Variants in SUGCT observed in about 807,000 individuals in gnomAD.
SUGCT encodes succinyl-CoA:glutarate CoA-transferase.
A neutral mutation model predicts 55.0 loss-of-function variants in SUGCT; 41 were observed. The ratio of observed to expected loss-of-function variants is 0.74; its 90% CI spans 0.58 to 0.97. SUGCT has a LOEUF of 0.97. Among genes scored for constraint, SUGCT ranks in the 50% least tolerant of loss-of-function variants. The pLI is 0.00. For synonymous variants in SUGCT, 187 were observed against 200.4 expected (o/e 0.93, Z 0.56); for missense variants, 568 against 547.8 (o/e 1.04, Z -0.37).
chr7:40,268,874 T>C (rs939010230), intron 7 of SUGCT, among the ~76,000 whole-genome samples: 3 of 152,162 alleles, frequency 2.0e-5, no homozygotes, highest in Admixed American at 2.0e-4. Flanking sequence ...CCTGACCTCG[T>C]GATCCGCCCG....
At chr7:40,698,803 G>A (rs1785050335) in intron 12 of SUGCT, among the ~76,000 whole-genome samples, 1 of 152,152 alleles carries the variant, frequency 6.6e-6, no homozygotes, top group Non-Finnish European at 1.5e-5. Flanking sequence ...GTGGGTGACT[G>A]TGGATGCCTG....
intron 8 of SUGCT, among the ~76,000 whole-genome samples, chr7:40,281,599 T>G (rs1792955182): frequency 6.6e-6 from 1 of 152,222 alleles, no homozygotes; most frequent in Non-Finnish European, 1.5e-5. Flanking sequence ...GACAATCATA[T>G]AATTTTTATC....
At chr7:40,437,128 C>T (rs751955655) in intron 9 of SUGCT, among the ~76,000 whole-genome samples, 4 of 152,118 alleles carry the variant, frequency 2.6e-5, no homozygotes, top group Non-Finnish European at 5.9e-5. Flanking sequence ...GCTTTCTTCA[C>T]ACAAAGTTTT....
chr7:40,596,924 C>G (rs983324830), intron 12 of SUGCT, among the ~76,000 whole-genome samples: 3 of 152,110 alleles, frequency 2.0e-5, no homozygotes, highest in African/African-American at 7.2e-5. Flanking sequence ...ATTAGAAGAT[C>G]CATGAGATCA....
At chr7:40,849,949 C>T (rs1012493136) in intron 13 of SUGCT, among the ~76,000 whole-genome samples, 3 of 152,150 alleles carry the variant, frequency 2.0e-5, no homozygotes, top group Admixed American at 6.5e-5. Context: ...TTGACAGTGC[C>T]GTGAGTCCGG....
intron 12 of SUGCT, among the ~76,000 whole-genome samples, chr7:40,544,905 CA>C (rs1197133092): frequency 5.9e-5 from 9 of 152,116 alleles, no homozygotes; most frequent in Non-Finnish European, 8.8e-5. Context: ...AAGGAGCTTA[CA>C]AAAACTAGTA....
At chr7:40,389,448 A>AACAAACAAACAAACAC (rs1187466253) in intron 9 of SUGCT, among the ~76,000 whole-genome samples, 1 of 140,646 alleles carries the variant, frequency 7.1e-6, no homozygotes, top group African/African-American at 2.5e-5. Context: ...TCTCAAAACA[A>AACAAACAAACAAACAC]ACAAACAAAC....
chr7:40,900,058 G>T, the SUGCT span, among the ~76,000 whole-genome samples: 1 of 152,114 alleles, frequency 6.6e-6, no homozygotes, highest in Non-Finnish European at 1.5e-5. Flanking sequence ...TCATCCTCGG[G>T]GGCTGCTGCG....
At chr7:40,821,052 A>G (rs1791967267) in intron 13 of SUGCT, among the ~76,000 whole-genome samples, 2 of 152,064 alleles carry the variant, frequency 1.3e-5, no homozygotes, top group African/African-American at 2.4e-5. Context: ...TTCTGTTTAT[A>G]TGCTGGATTA....
intron 13 of SUGCT, among the ~76,000 whole-genome samples, chr7:40,774,134 G>A (rs550947969): frequency 6.6e-6 from 1 of 152,192 alleles, no homozygotes; most frequent in African/African-American, 2.4e-5. Context: ...CACCAAGATT[G>A]TGTAAAGCTT....
intron 13 of SUGCT, among the ~76,000 whole-genome samples, chr7:40,840,815 C>G (rs1486111664): frequency 1.1e-5 from 1 of 93,654 alleles, no homozygotes; most frequent in Non-Finnish European, 2.1e-5. Context: ...CTAAGTCTGA[C>G]AAAATAAAAA....
At chr7:40,388,614 C>T (rs1245576490) in intron 9 of SUGCT, among the ~76,000 whole-genome samples, 1 of 152,090 alleles carries the variant, frequency 6.6e-6, no homozygotes, top group Non-Finnish European at 1.5e-5. Flanking sequence ...TGGGGTTTCA[C>T]CATGTTGCTC....
chr7:40,306,198 A>C (rs149907810), intron 8 of SUGCT, among the ~76,000 whole-genome samples: 1 of 152,306 alleles, frequency 6.6e-6, no homozygotes, highest in East Asian at 1.9e-4. Flanking sequence ...CTGGTCATTA[A>C]ATTTAATAGC....
intron 9 of SUGCT, among the ~76,000 whole-genome samples, chr7:40,437,181 A>G (rs1287578381): frequency 6.6e-6 from 1 of 152,208 alleles, no homozygotes; most frequent in Non-Finnish European, 1.5e-5. Context: ...CGTAAAGAAT[A>G]GAAAATATAT....
In SUGCT at chr7:40,402,566, A is replaced by G. The variant is rs987840944; in HGVS notation, c.817-46721A>G. On this transcript the variant is annotated intron_variant, in intron 9 of 13. Coordinates refer to ENST00000335693, the MANE Select transcript of SUGCT (RefSeq NM_001193313.2). ...TACAAAGTCAGTGAAATTTCCAGATACTGTTTATTGGTACCTGTTTTTTTT... is the reference window on the plus strand; with the variant it reads ...TACAAAGTCAGTGAAATTTCCAGATGCTGTTTATTGGTACCTGTTTTTTTT... 3.3e-5 allele frequency among the ~76,000 whole-genome samples: 5 copies of G among 152,118 alleles called. No homozygotes were observed. The East Asian group carries it at 9.6e-4, about 29-fold the overall frequency.
At chr7:40,664,166 C>A (rs892749506) in intron 12 of SUGCT, among the ~76,000 whole-genome samples, 1 of 152,078 alleles carries the variant, frequency 6.6e-6, no homozygotes, top group African/African-American at 2.4e-5. Context: ...AGTTGTAAGA[C>A]AATATATTTT....
chr7:40,539,083 A>AC (rs1310431506), intron 12 of SUGCT: 1 of 152,754 alleles, frequency 6.5e-6, no homozygotes, highest in Non-Finnish European at 1.5e-5. Context: ...CATCTCAAAA[A>AC]AAAAAAAAAA....
chr7:40,519,142 GACAA>G (rs1310683640), intron 12 of SUGCT, among the ~76,000 whole-genome samples: 2 of 151,936 alleles, frequency 1.3e-5, no homozygotes, highest in Non-Finnish European at 2.9e-5. Flanking sequence ...GAAAACATCG[GACAA>G]ACAAATTGAA....
At chr7:40,801,015 C>T (rs1195691542) in intron 13 of SUGCT, among the ~76,000 whole-genome samples, 2 of 152,164 alleles carry the variant, frequency 1.3e-5, no homozygotes, top group African/African-American at 2.4e-5. Context: ...CATCCTGACA[C>T]TGATCTCAAG....
Sources: allele counts gnomAD v4.1 joint callset (sites outside exome capture counted in the v4.1 genomes callset), GRCh38; gene constraint gnomAD v4.1.1; transcripts MANE v1.5; gene names NCBI Gene and HGNC (gene_info 2026-07-23, HGNC 2026-07-21).